Variants in ANKIB1 observed in about 807,000 individuals in gnomAD.
ANKIB1 encodes ankyrin repeat and IBR domain containing 1.
A neutral mutation model predicts 122.1 loss-of-function variants in ANKIB1; 43 were observed. The observed-to-expected ratio is 0.35, with a 90% CI of 0.28 to 0.45. The LOEUF is 0.45. ANKIB1 is among the 20% of genes least tolerant of loss of function. The probability of loss-of-function intolerance (pLI) is 1.00; values close to 1 mark genes in which losing one functional copy is unlikely to be tolerated. For synonymous variants in ANKIB1, 390 were observed against 442.0 expected (o/e 0.88, Z 1.48); for missense variants, 992 against 1,329.5 (o/e 0.75, Z 3.95).
chr7:92,388,056 G>T lies in ANKIB1; in HGVS notation c.1906+15G>T. 1 of 1,549,726 alleles carries T rather than the reference G, an allele frequency of 6.5e-7. No individual in the cohort carries two copies. The highest frequency in any genetic ancestry group is 8.7e-7 in the Non-Finnish European group (1 of 1,143,726). ...TCTCAAAGAAAGTAAGTTATAAGTT[G>T]TATGTGTGATAATTAATATAAAATA... On this transcript the variant is annotated intron_variant, in intron 14 of 19. Coordinates refer to ENST00000265742, the MANE Select transcript of ANKIB1 (RefSeq NM_019004.2).
At chr7:92,339,938 T>A (rs1291148690) in intron 5 of ANKIB1, among the ~76,000 whole-genome samples, 3 of 151,850 alleles carry the variant, frequency 2.0e-5, no homozygotes, top group Admixed American at 1.3e-4. Context: ...TTTTTTTTTT[T>A]AATGATGGCT....
intron 1 of ANKIB1, among the ~76,000 whole-genome samples, chr7:92,251,634 T>C (rs1801332847): frequency 6.6e-6 from 1 of 152,224 alleles, no homozygotes; most frequent in African/African-American, 2.4e-5. Context: ...TCTCTCTCTC[T>C]GTCTCCATAC....
At chr7:92,380,289 C>G (rs1244900514) in intron 11 of ANKIB1, among the ~76,000 whole-genome samples, 3 of 152,284 alleles carry the variant, frequency 2.0e-5, no homozygotes, top group African/African-American at 7.2e-5. Context: ...TCTGTAGACT[C>G]CACCTCTGGG....
At chr7:92,293,815 C>T (rs1022983443) in intron 1 of ANKIB1, among the ~76,000 whole-genome samples, 1 of 152,088 alleles carries the variant, frequency 6.6e-6, no homozygotes, top group Non-Finnish European at 1.5e-5. Flanking sequence ...TCATACCTGC[C>T]TTTGCATATG....
intron 18 of ANKIB1, 42 bp from the exon 19 acceptor site, chr7:92,397,681 T>C: frequency 6.2e-7 from 1 of 1,604,056 alleles, no homozygotes; most frequent in Non-Finnish European, 8.5e-7. Flanking sequence ...ATAAGTCTTA[T>C]TTGTCACTAA....
chr7:92,265,301 A>G (rs1801649388), intron 1 of ANKIB1, among the ~76,000 whole-genome samples: 1 of 152,200 alleles, frequency 6.6e-6, no homozygotes. Context: ...ACAAAGATGG[A>G]AGGATGAGAA....
chr7:92,261,563 T>C (rs1347137745), intron 1 of ANKIB1, among the ~76,000 whole-genome samples: 3 of 152,204 alleles, frequency 2.0e-5, no homozygotes, highest in Non-Finnish European at 2.9e-5. Flanking sequence ...TGACTTTATG[T>C]CATGATTTAT....
chr7:92,300,563 A>G (rs1251432176), intron 2 of ANKIB1, among the ~76,000 whole-genome samples: 1 of 152,018 alleles, frequency 6.6e-6, no homozygotes, highest in Non-Finnish European at 1.5e-5. Context: ...TTCCAGGTTT[A>G]TTTAGGTATA....
chr7:92,277,867 T>C (rs985810472), intron 1 of ANKIB1, among the ~76,000 whole-genome samples: 1 of 152,130 alleles, frequency 6.6e-6, no homozygotes, highest in African/African-American at 2.4e-5. Context: ...GTGGATCACC[T>C]GAGGTCAGGA....
At chr7:92,369,340 C>A (rs1210552600) in intron 10 of ANKIB1, among the ~76,000 whole-genome samples, 1 of 152,148 alleles carries the variant, frequency 6.6e-6, no homozygotes, top group Non-Finnish European at 1.5e-5. Context: ...AATTAAAAAC[C>A]AATGCTTTTA....
chr7:92,349,825 T>C (rs1483030238), intron 7 of ANKIB1, among the ~76,000 whole-genome samples: 1 of 152,072 alleles, frequency 6.6e-6, no homozygotes, highest in East Asian at 1.9e-4. Context: ...TTAAATAAAT[T>C]GCTTAAGATC....
chr7:92,378,611 G>A (rs1804440616), intron 11 of ANKIB1, among the ~76,000 whole-genome samples: 1 of 151,858 alleles, frequency 6.6e-6, no homozygotes, highest in African/African-American at 2.4e-5. Flanking sequence ...GGAAACTAGA[G>A]TCACTCCCAC....
intron 5 of ANKIB1, among the ~76,000 whole-genome samples, chr7:92,341,018 T>C (rs975247507): frequency 2.0e-5 from 3 of 152,166 alleles, no homozygotes; most frequent in African/African-American, 7.2e-5. Context: ...AAAACTGTTA[T>C]AACCTGCCAG....
intron 11 of ANKIB1, among the ~76,000 whole-genome samples, chr7:92,372,087 A>G (rs1562795608): frequency 6.6e-6 from 1 of 151,630 alleles, no homozygotes; most frequent in South Asian, 2.1e-4. Context: ...GCTTAGACTC[A>G]AGGCCCAAAC....
chr7:92,294,633 T>G, intron 1 of ANKIB1: 1 of 359,190 alleles, frequency 2.8e-6, no homozygotes, highest in East Asian at 4.0e-5. Flanking sequence ...ATAGATAATT[T>G]TTGTAATCCG....
At chr7:92,357,488 AT>A (rs1200058839) in intron 9 of ANKIB1, among the ~76,000 whole-genome samples, 1 of 152,134 alleles carries the variant, frequency 6.6e-6, no homozygotes, top group African/African-American at 2.4e-5. Flanking sequence ...TAATCCCAGC[AT>A]TTTGCAGGGC....
chr7:92,246,283 C>G lies in ANKIB1; in HGVS notation c.-327C>G, dbSNP rs1474661086. The stretch of plus-strand genomic sequence containing the variant: ...GGCGCCCACCCAGTCTGAGCCTCGC[C>G]GCGGGCGCCTTCGGCTCACGCAGCG... On this transcript the variant is annotated 5_prime_UTR_variant, in exon 1 of 20. Coordinates refer to ENST00000265742, the MANE Select transcript of ANKIB1 (RefSeq NM_019004.2). 4.9e-6 allele frequency: 2 copies of G among 405,512 alleles called. No individual in the cohort carries two copies. Among genetic ancestry groups the G allele is most frequent in the Non-Finnish European group, 9.6e-6 (2 of 208,258 alleles). 25.1% of individuals were successfully genotyped at this position (405,512 alleles called of 1,614,324 possible).
chr7:92,356,810 G>T (rs569160539), intron 9 of ANKIB1, among the ~76,000 whole-genome samples: 1 of 152,172 alleles, frequency 6.6e-6, no homozygotes, highest in African/African-American at 2.4e-5. Context: ...ACCTCTCTGT[G>T]CATGTAAAAT....
intron 9 of ANKIB1, among the ~76,000 whole-genome samples, chr7:92,352,881 G>A (rs1250796486): frequency 1.3e-5 from 2 of 152,158 alleles, no homozygotes; most frequent in Non-Finnish European, 2.9e-5. Flanking sequence ...TTGAGTTGAT[G>A]TTATTATGCC....
Sources: gnomAD v4.1 joint callset for allele counts (sites outside exome capture counted in the v4.1 genomes callset) on GRCh38, gnomAD v4.1.1 for gene constraint, MANE v1.5 for transcripts, NCBI Gene and HGNC (gene_info 2026-07-23, HGNC 2026-07-21) for gene names.